Variants in STK3 observed in about 807,000 individuals in gnomAD.
STK3 encodes the protein serine/threonine-protein kinase 3.
In STK3, 41 loss-of-function variants were observed where a neutral mutation model predicts 58.0. The observed-to-expected ratio is 0.71, with a 90% CI of 0.55 to 0.92. STK3 has a LOEUF of 0.92. Ranked by LOEUF, STK3 falls within the 40% of genes least tolerant of loss-of-function variation. The pLI, the probability that STK3 is intolerant of heterozygous loss-of-function variation, is 0.00. For missense variants in STK3, 479 were observed against 602.7 expected, an observed-to-expected ratio of 0.79 and a Z score of 2.15; for synonymous variants, 170 against 191.0, an observed-to-expected ratio of 0.89 and a Z score of 0.91.
chr8:98,916,283 AGG>A (rs1388940297), intron 1 of STK3, among the ~76,000 whole-genome samples: 3 of 152,100 alleles, frequency 2.0e-5, no homozygotes, highest in African/African-American at 7.2e-5. Flanking sequence ...GTGTGGTGGC[AGG>A]CACCTGTAAT....
At chr8:98,787,848 C>T (rs989337489) in intron 1 of STK3, among the ~76,000 whole-genome samples, 4 of 152,112 alleles carry the variant, frequency 2.6e-5, no homozygotes, top group South Asian at 2.1e-4. Flanking sequence ...ACATAAATGT[C>T]GGAAAGATAC....
At chr8:98,370,517 G>A (rs1186172080), downstream of STK3, among the ~76,000 whole-genome samples, 1 of 152,062 alleles carries the variant, frequency 6.6e-6, no homozygotes, top group Non-Finnish European at 1.5e-5. Context: ...AGGACTGGGT[G>A]GTAGCTCCAT....
Position 98,547,968 on chromosome 8 carries a change from C to A in STK3, c.1141+1G>T. 6.4e-7 allele frequency: 1 copy of A among 1,568,782 alleles called. No individual in the cohort carries two copies. On this transcript the variant is annotated splice_donor_variant, in intron 9 of 10. Transcript: ENST00000419617. LOFTEE classifies it high-confidence loss of function. ...ATATTTAATGTAAAAAAGCCACATA[C>A]TTTTCATAGTTCCATCTTCTTCTTC...
At chr8:98,788,783 C>T (rs777856394) in intron 1 of STK3, among the ~76,000 whole-genome samples, 1 of 152,124 alleles carries the variant, frequency 6.6e-6, no homozygotes, top group Non-Finnish European at 1.5e-5. Context: ...TACTAATAGA[C>T]TTAAGAAATG....
At chr8:98,591,143 T>A (rs1323012893) in intron 7 of STK3, among the ~76,000 whole-genome samples, 3 of 152,208 alleles carry the variant, frequency 2.0e-5, no homozygotes, top group Non-Finnish European at 1.5e-5. Context: ...TTTGATATTT[T>A]CCCAGGCTAG....
At chr8:98,915,271 CG>C (rs1299934240) in intron 1 of STK3, among the ~76,000 whole-genome samples, 2 of 151,714 alleles carry the variant, frequency 1.3e-5, no homozygotes, top group Non-Finnish European at 2.9e-5. Flanking sequence ...CCTAACCTCC[CG>C]GACTATATCT....
chr8:98,912,274 A>G (rs1034907641), intron 1 of STK3, among the ~76,000 whole-genome samples: 5 of 152,106 alleles, frequency 3.3e-5, no homozygotes, highest in Admixed American at 1.3e-4. Context: ...AGCTACTTGG[A>G]GGCTGAGGCA....
At chr8:98,532,614 T>C (rs920382073) in intron 9 of STK3, among the ~76,000 whole-genome samples, 1 of 152,196 alleles carries the variant, frequency 6.6e-6, no homozygotes, top group Non-Finnish European at 1.5e-5. Flanking sequence ...ACCTTCAATC[T>C]GTAAAACACA....
At chr8:98,491,430 AT>A (rs1170748631) in intron 10 of STK3, among the ~76,000 whole-genome samples, 2,074 of 144,144 alleles carry the variant, frequency 0.014, 22 homozygotes, top group African/African-American at 0.036. Context: ...CACCTAGGAA[AT>A]TTTTTTTTTT....
chr8:98,584,460 G>A (rs1814284897), intron 7 of STK3, among the ~76,000 whole-genome samples: 2 of 151,670 alleles, frequency 1.3e-5, no homozygotes, highest in South Asian at 4.2e-4. Flanking sequence ...AGTATTCCAT[G>A]GCATATATGT....
Position 98,560,890 on chromosome 8 carries a change from A to G in STK3, c.949-12729T>C, listed in dbSNP as rs138505602. 2.6e-3 allele frequency among the ~76,000 whole-genome samples: 403 copies of G among 152,094 alleles called. 4 individuals carry two copies. Among genetic ancestry groups the G allele is most frequent in the African/African-American group, 9.4e-3 (390 of 41,514 alleles). On this transcript the variant is annotated intron_variant, in intron 8 of 10. Transcript: ENST00000419617. ...TCTATAAAAAATACAAAAATTAGCC[A>G]CATGTGGCAGCATGCGCCTACAGTC... is the stretch of plus-strand genomic sequence containing the variant.
chr8:98,922,984 G>A (rs1254665422), intron 1 of STK3, among the ~76,000 whole-genome samples: 1 of 152,166 alleles, frequency 6.6e-6, no homozygotes, highest in Non-Finnish European at 1.5e-5. Flanking sequence ...TGGTTCCGCT[G>A]AGGATTGTCA....
In STK3 at chr8:98,428,200, A is replaced by G. The variant is rs1166929222; in HGVS notation, n.483+5927T>C. ...CAGCGGGAGTTCTACTTCGACCGCAACCCTGAGCTCTTCCCCTACGTGCTG... is the reference window on the plus strand; with the variant it reads ...CAGCGGGAGTTCTACTTCGACCGCAGCCCTGAGCTCTTCCCCTACGTGCTG... On this transcript the variant is annotated intron_variant and non_coding_transcript_variant, in intron 3 of 3. Coordinates refer to the STK3 transcript ENST00000517832. The surrounding 1 kb of genome is among the most constrained non-coding windows in gnomAD (Gnocchi z 6.7). 1 of 1,614,058 alleles carries G rather than the reference A, an allele frequency of 6.2e-7. No homozygotes were observed. Among genetic ancestry groups the G allele is most frequent in the Non-Finnish European group, 8.5e-7 (1 of 1,180,012 alleles).
exon 3 of STK3, chr8:98,371,608 C>A (rs1056141951): frequency 6.6e-6 from 1 of 152,238 alleles, no homozygotes; most frequent in African/African-American, 2.4e-5. Flanking sequence ...CTCTCCTCAA[C>A]CAAAACACTT....
chr8:98,737,521 G>C (rs994859573), intron 4 of STK3, among the ~76,000 whole-genome samples: 4 of 152,060 alleles, frequency 2.6e-5, no homozygotes, highest in Non-Finnish European at 5.9e-5. Context: ...TAAAATCAAG[G>C]AACAGGGTCA....
intron 10 of STK3, among the ~76,000 whole-genome samples, chr8:98,485,247 A>AG (rs1372393958): frequency 6.6e-6 from 1 of 152,038 alleles, no homozygotes; most frequent in Non-Finnish European, 1.5e-5. Context: ...GTCTCAAAAA[A>AG]AAAAAATGTA....
At chr8:98,795,041 C>A (rs1833039335) in intron 1 of STK3, among the ~76,000 whole-genome samples, 1 of 125,734 alleles carries the variant, frequency 8.0e-6, no homozygotes, top group Admixed American at 9.6e-5. Flanking sequence ...GCACTCCAGC[C>A]TGCGCAACAA....
At chr8:98,656,569 C>G (rs1341737460) in intron 6 of STK3, among the ~76,000 whole-genome samples, 2 of 152,016 alleles carry the variant, frequency 1.3e-5, no homozygotes, top group Non-Finnish European at 2.9e-5. Flanking sequence ...TTTTCAGCAT[C>G]CATTATCATC....
At chr8:98,677,622 A>G (rs148097750) in intron 6 of STK3, among the ~76,000 whole-genome samples, 4,752 of 152,180 alleles carry the variant, frequency 0.031, 96 homozygotes, top group Middle Eastern at 0.068. Flanking sequence ...CATTTGTAAA[A>G]GGTCATCAAT....
Sources: allele counts gnomAD v4.1 joint callset (sites outside exome capture counted in the v4.1 genomes callset), GRCh38; gene constraint gnomAD v4.1.1; non-coding constraint Gnocchi (gnomAD v3.1); transcripts MANE v1.5; gene names NCBI Gene and HGNC (gene_info 2026-07-23, HGNC 2026-07-21).